FRMPD1: variants seen among roughly 807,000 people sequenced by gnomAD.
FRMPD1 encodes the protein FERM and PDZ domain-containing protein 1.
FRMPD1 carries 76 observed loss-of-function variants against 117.8 expected under a neutral mutation model. The ratio of observed to expected loss-of-function variants is 0.65; its 90% CI spans 0.54 to 0.78. The LOEUF (loss-of-function observed/expected upper bound fraction) is 0.78. Ranked by LOEUF, FRMPD1 falls within the 30% of genes least tolerant of loss-of-function variation. FRMPD1 has a pLI of 0.00. For missense variants in FRMPD1, 1,786 were observed against 1,964.5 expected, an observed-to-expected ratio of 0.91 and a Z score of 1.72; for synonymous variants, 783 against 770.4, an observed-to-expected ratio of 1.02 and a Z score of -0.27.
intron 1 of FRMPD1, among the ~76,000 whole-genome samples, chr9:37,661,210 C>G (rs946382765): frequency 6.6e-6 from 1 of 152,130 alleles, no homozygotes; most frequent in Non-Finnish European, 1.5e-5. Context: ...GCTGGCTCTT[C>G]TTGGTGCCTT....
chr9:37,746,413 C>A lies in FRMPD1; in HGVS notation c.4381C>A (p.Arg1461Ser). 1 of 1,613,408 alleles carries A rather than the reference C, an allele frequency of 6.2e-7. No homozygotes were observed. ...CTGGCACTTTACCGAAAGCCGGAGC[C>A]GCCTCTGCATGGGCTCCCAGAAGCT... ...CTWHFTESRS[R>S]LCMGSQKLLS... The change falls in exon 16 of 16, where the codon CGC (arginine) becomes AGC (serine). Residue 1461 changes from arginine (R) to serine (S), a missense_variant. Transcript: ENST00000377765.
intron 1 of FRMPD1, among the ~76,000 whole-genome samples, chr9:37,687,893 C>G (rs754911796): frequency 9.9e-5 from 15 of 152,136 alleles, no homozygotes; most frequent in Non-Finnish European, 1.6e-4. Context: ...GAAAGATATA[C>G]AGGATACATT....
chr9:37,610,744 G>A, the FRMPD1 span, among the ~76,000 whole-genome samples: 9 of 152,132 alleles, frequency 5.9e-5, no homozygotes, highest in East Asian at 1.4e-3. Context: ...ACAGGCGTGC[G>A]CCATCACACC....
At position 37,718,826 on chromosome 9, in the gene FRMPD1, G is replaced by A. The variant is rs567891982; in HGVS notation, c.409-243G>A. 9.8e-5 allele frequency among the ~76,000 whole-genome samples: 15 copies of A among 152,308 alleles called. No homozygotes were observed. The South Asian group carries it at 2.3e-3, about 23-fold the overall frequency. On this transcript the variant is annotated intron_variant, in intron 5 of 15. Coordinates refer to ENST00000377765, the MANE Select transcript of FRMPD1 (RefSeq NM_014907.3). ...CAGGCCAGAACTCTTTGTCTTCATC[G>A]TATCACAGCTATTTTGCTACCATGT... is the stretch of plus-strand genomic sequence containing the variant.
At position 37,681,328 on chromosome 9, in the gene FRMPD1, G is replaced by A. The variant is rs1256714215; in HGVS notation, c.-4-11310G>A. Among the ~76,000 whole-genome samples the A allele has an allele frequency of 3.3e-5, 5 of 152,178 alleles. No individual in the cohort carries two copies. In the East Asian group the frequency reaches 9.6e-4, roughly 29 times the overall value. On this transcript the variant is annotated intron_variant, in intron 1 of 15. Transcript: ENST00000377765. ...GTGTGAGGTTAAAATATCAGGGCCTGTGTTACTGTGAAAGACTTGACTGAG... is the reference window on the plus strand; with the variant it reads ...GTGTGAGGTTAAAATATCAGGGCCTATGTTACTGTGAAAGACTTGACTGAG...
At chr9:37,668,790 C>T (rs1663787004) in intron 1 of FRMPD1, among the ~76,000 whole-genome samples, 1 of 152,156 alleles carries the variant, frequency 6.6e-6, no homozygotes, top group Non-Finnish European at 1.5e-5. Context: ...TGTTCATAAT[C>T]GCAATTTATT....
At chr9:37,632,527 G>A in the FRMPD1 span, among the ~76,000 whole-genome samples, 744 of 152,208 alleles carry the variant, frequency 4.9e-3, 4 homozygotes, top group African/African-American at 0.017. Flanking sequence ...TCTCTTCTGC[G>A]TAGGCTTTAT....
chr9:37,697,015 A>C (rs938508018), intron 2 of FRMPD1, among the ~76,000 whole-genome samples: 9 of 152,226 alleles, frequency 5.9e-5, no homozygotes, highest in African/African-American at 1.9e-4. Context: ...TTTATAGAGA[A>C]TCTTAAACAG....
At chr9:37,635,208 C>A in the FRMPD1 span, among the ~76,000 whole-genome samples, 4 of 152,182 alleles carry the variant, frequency 2.6e-5, no homozygotes, top group African/African-American at 9.6e-5. Flanking sequence ...GGTAGCCTCT[C>A]TTTTAACCTT....
the FRMPD1 span, among the ~76,000 whole-genome samples, chr9:37,618,653 T>C: frequency 1.3e-5 from 2 of 152,168 alleles, no homozygotes; most frequent in Non-Finnish European, 2.9e-5. Context: ...CTTCCAATCA[T>C]ACACCTCTCC....
At chr9:37,641,817 T>C in the FRMPD1 span, among the ~76,000 whole-genome samples, 3 of 152,066 alleles carry the variant, frequency 2.0e-5, no homozygotes, top group African/African-American at 7.2e-5. Context: ...CTCCCCAACA[T>C]CCCCCAGTTA....
At chr9:37,675,983 A>G (rs1821515079) in intron 1 of FRMPD1, among the ~76,000 whole-genome samples, 2 of 152,230 alleles carry the variant, frequency 1.3e-5, no homozygotes, top group Non-Finnish European at 2.9e-5. Context: ...TAAAAGAGGT[A>G]TCATTGCTGC....
chr9:37,731,068 G>A lies in FRMPD1; in HGVS notation c.823G>A (p.Glu275Lys). 3 of 1,613,804 alleles carry A rather than the reference G, an allele frequency of 1.9e-6. No homozygotes were observed. The highest frequency in any genetic ancestry group is 2.5e-6 in the Non-Finnish European group (3 of 1,179,676). The change falls in exon 9 of 16, where the codon GAA becomes AAA. Residue 275 changes from glutamate to lysine, a missense_variant. Transcript: ENST00000377765. ...CAAGGACCCCCTGGACCTCCTGAAA[G>A]AAGACCCCGTGGCCTTTGAATACCT... Reference protein sequence around the residue: ...VPKDPLDLLKEDPVAFEYLYL... With the variant: ...VPKDPLDLLKKDPVAFEYLYL...
At chr9:37,647,505 C>T (rs906269476), upstream of FRMPD1, among the ~76,000 whole-genome samples, 1 of 134,264 alleles carries the variant, frequency 7.4e-6, no homozygotes, top group African/African-American at 2.8e-5. Flanking sequence ...AGCGAGACTC[C>T]GTTTCAAAAA....
chr9:37,727,743 T>G (rs1823675808), intron 7 of FRMPD1, among the ~76,000 whole-genome samples: 2 of 147,812 alleles, frequency 1.4e-5, no homozygotes, highest in Non-Finnish European at 1.5e-5. Context: ...GGGCTCCGAA[T>G]CAGGAGTCAT....
chr9:37,735,983 T>A (rs142598185), intron 13 of FRMPD1, among the ~76,000 whole-genome samples: 1 of 150,108 alleles, frequency 6.7e-6, no homozygotes, highest in Non-Finnish European at 1.5e-5. Flanking sequence ...TTTAGAAACG[T>A]AGATGGAGAA....
chr9:37,614,097 T>C, the FRMPD1 span, among the ~76,000 whole-genome samples: 3 of 152,194 alleles, frequency 2.0e-5, no homozygotes, highest in Admixed American at 6.6e-5. Context: ...TCATATGACA[T>C]CACTCTAACA....
chr9:37,738,629 G>A (rs1184805254), intron 14 of FRMPD1, among the ~76,000 whole-genome samples: 1 of 152,074 alleles, frequency 6.6e-6, no homozygotes, highest in Non-Finnish European at 1.5e-5. Context: ...ATGAGCCACG[G>A]CGCCCAGCCT....
In FRMPD1 at chr9:37,744,406, A is replaced by G. The variant is rs960356302; in HGVS notation, c.2374A>G (p.Thr792Ala). The change falls in exon 16 of 16, where the codon ACT (threonine) becomes GCT (alanine). Residue 792 changes from threonine (T) to alanine (A), a missense_variant. Coordinates refer to ENST00000377765, the MANE Select transcript of FRMPD1 (RefSeq NM_014907.3). ...ACTCCCAGGGCCCAGAGATGTTTCT[A>G]CTGCAGAACCCAGTGCCACAAGCTT... ...GPPSGPRDVS[T>A]AEPSATSLQN... 2 of 1,597,528 alleles carry G rather than the reference A, an allele frequency of 1.3e-6. No individual in the cohort carries two copies. Among genetic ancestry groups the G allele is most frequent in the Non-Finnish European group, 1.7e-6 (2 of 1,172,330 alleles).
Sources: allele counts gnomAD v4.1 joint callset (sites outside exome capture counted in the v4.1 genomes callset), GRCh38; gene constraint gnomAD v4.1.1; transcripts MANE v1.5; gene names NCBI Gene and HGNC (gene_info 2026-07-23, HGNC 2026-07-21).